Variants in CPM observed in about 807,000 individuals in gnomAD.
CPM encodes carboxypeptidase M.
In CPM, 35 loss-of-function variants were observed where a neutral mutation model predicts 46.4. The observed-to-expected ratio is 0.75, with a 90% CI of 0.58 to 1.00. The LOEUF is 1.00. Ranked by LOEUF, CPM falls within the 50% of genes least tolerant of loss-of-function variation. The probability of loss-of-function intolerance (pLI) is 0.00; values close to 1 mark genes in which losing one functional copy is unlikely to be tolerated. For synonymous variants in CPM, 195 were observed against 195.3 expected, an observed-to-expected ratio of 1.00 and a Z score of 0.01; for missense variants, 422 against 530.4, an observed-to-expected ratio of 0.80 and a Z score of 2.01.
At chr12:68,892,575 G>A (rs1886700026) in intron 2 of CPM, among the ~76,000 whole-genome samples, 1 of 152,018 alleles carries the variant, frequency 6.6e-6, no homozygotes, top group South Asian at 2.1e-4. Context: ...AGTAGGGTAG[G>A]TAGGCCGGGC....
At chr12:68,956,008 C>T (rs1889011960) in intron 1 of CPM, among the ~76,000 whole-genome samples, 1 of 152,148 alleles carries the variant, frequency 6.6e-6, no homozygotes, top group South Asian at 2.1e-4. Context: ...GCCTGTCTGC[C>T]TCCTGCCACC....
chr12:68,858,723 A>C (rs1885078855), intron 8 of CPM, among the ~76,000 whole-genome samples, 200 bp downstream of exon 8: 1 of 140,162 alleles, frequency 7.1e-6, no homozygotes, highest in South Asian at 2.1e-4. Context: ...AAAAAATATG[A>C]ATTTTTGTGG....
Position 68,856,345 on chromosome 12 carries a change from A to G in CPM, c.*92T>C, listed in dbSNP as rs916294913. 13 of 1,381,280 alleles carry G rather than the reference A, an allele frequency of 9.4e-6. No individual in the cohort carries two copies. Among genetic ancestry groups the G allele is most frequent in the Non-Finnish European group, 1.3e-5 (13 of 1,009,318 alleles). 85.6% of individuals were successfully genotyped at this position (1,381,280 alleles called of 1,614,324 possible). A position where few individuals can be genotyped will look rare whatever the true frequency, so the allele number is the denominator to read the frequency against. On this transcript the variant is annotated 3_prime_UTR_variant, in exon 9 of 9. Coordinates refer to ENST00000551568, the MANE Select transcript of CPM (RefSeq NM_198320.5). The stretch of plus-strand genomic sequence containing the variant: ...GAAGATCGTGGAGTTTCTCCAGTCA[A>G]GGTCCCACTAGAGTGAGTTAGGGTT...
intron 2 of CPM, among the ~76,000 whole-genome samples, chr12:68,897,924 A>G (rs983837262): frequency 9.9e-5 from 15 of 151,896 alleles, no homozygotes; most frequent in Non-Finnish European, 5.9e-5. Context: ...ATGGCTCACT[A>G]TAGCCTTGAC....
intron 7 of CPM, among the ~76,000 whole-genome samples, chr12:68,862,823 C>T (rs537906410): frequency 2.0e-5 from 3 of 150,164 alleles, no homozygotes; most frequent in Non-Finnish European, 4.4e-5. Context: ...ACTGGTAGAC[C>T]CTAAGAGACG....
intron 1 of CPM, among the ~76,000 whole-genome samples, chr12:68,960,665 G>A (rs1221542804): frequency 6.6e-6 from 1 of 152,132 alleles, no homozygotes; most frequent in Non-Finnish European, 1.5e-5. Context: ...GAAATATGGG[G>A]CCTTTTGTTA....
chr12:68,927,440 G>C lies in CPM; in HGVS notation c.160+5238C>G, dbSNP rs1001135963. On this transcript the variant is annotated intron_variant, in intron 2 of 8. Coordinates refer to ENST00000551568, the MANE Select transcript of CPM (RefSeq NM_198320.5). ...GTTTTTTTCTTGTAAATTTGTTTGA[G>C]TTCATTGTAGATTCTGGATATTAGC... Among the ~76,000 whole-genome samples, 9 of 152,196 alleles carry C rather than the reference G, an allele frequency of 5.9e-5. 1 individual carries two copies. The highest frequency in any genetic ancestry group is 1.3e-4 in the Non-Finnish European group (9 of 68,022).
intron 1 of CPM, among the ~76,000 whole-genome samples, chr12:68,948,407 C>T (rs973624188): frequency 2.6e-5 from 4 of 151,904 alleles, no homozygotes; most frequent in Admixed American, 2.6e-4. Context: ...AAAGTAACCC[C>T]AAAATATTCA....
chr12:68,842,989 A>G (rs1883921874), intron 5 of CPM: 1 of 212,108 alleles, frequency 4.7e-6, no homozygotes, highest in South Asian at 1.9e-4. Context: ...GGCAAATACT[A>G]AGTTCTAACT....
downstream of CPM, chr12:68,850,002 G>A (rs1211180030): frequency 6.6e-6 from 1 of 152,326 alleles, no homozygotes; most frequent in Non-Finnish European, 1.5e-5. Flanking sequence ...AAAAACCCTT[G>A]GCTGGGGGGT....
At chr12:68,843,543 CAG>C (rs1252985076) in intron 5 of CPM, 2 of 226,480 alleles carry the variant, frequency 8.8e-6, no homozygotes, top group Non-Finnish European at 1.8e-5. Flanking sequence ...TTAAGCAAAA[CAG>C]TGAAAATAAC....
chr12:68,889,322 A>T (rs1886559035), intron 2 of CPM, among the ~76,000 whole-genome samples: 1 of 152,208 alleles, frequency 6.6e-6, no homozygotes, highest in Non-Finnish European at 1.5e-5. Flanking sequence ...TGAATGCACT[A>T]CCATTTATTC....
chr12:68,905,767 A>G (rs1188952719), intron 2 of CPM, among the ~76,000 whole-genome samples: 1 of 152,166 alleles, frequency 6.6e-6, no homozygotes, highest in Non-Finnish European at 1.5e-5. Context: ...TTCAGAAAAA[A>G]TATTTAATAG....
rs150490554 is a variant in CPM, at chr12:68,887,911, C to T, written c.161-2022G>A. On this transcript the variant is annotated intron_variant, in intron 2 of 8. Transcript: ENST00000551568. ...CGAGTTTGCCATGTGGACAAGTACA[C>T]TACATGTGGTGATTCCCCATCAGAA... Among the ~76,000 whole-genome samples, 160 of 152,338 alleles carry T rather than the reference C, an allele frequency of 1.1e-3. 1 individual carries two copies. The highest frequency in any genetic ancestry group is 2.8e-3 in the Admixed American group (43 of 15,300).
intron 4 of CPM, among the ~76,000 whole-genome samples, chr12:68,870,877 G>A (rs905139003): frequency 6.6e-6 from 1 of 152,268 alleles, no homozygotes; most frequent in Middle Eastern, 3.4e-3. Flanking sequence ...GCTTTAAGTC[G>A]CTAATTTTGG....
intron 1 of CPM, among the ~76,000 whole-genome samples, chr12:68,941,619 T>C (rs1159956482): frequency 6.6e-6 from 1 of 152,238 alleles, no homozygotes; most frequent in African/African-American, 2.4e-5. Flanking sequence ...TCAAGTGATC[T>C]GCCTGCCTAG....
intron 2 of CPM, among the ~76,000 whole-genome samples, chr12:68,916,357 C>A (rs1887803430): frequency 6.6e-6 from 1 of 152,034 alleles, no homozygotes; most frequent in Admixed American, 6.6e-5. Flanking sequence ...ATATAATCAC[C>A]ATTGAAACAT....
At chr12:68,901,238 T>C (rs1358547350) in intron 2 of CPM, among the ~76,000 whole-genome samples, 1 of 152,194 alleles carries the variant, frequency 6.6e-6, no homozygotes, top group Non-Finnish European at 1.5e-5. Flanking sequence ...AAAAAAAAGC[T>C]GGTGAGGAGG....
At chr12:68,914,114 C>T (rs1887710929) in intron 2 of CPM, 1 of 519,692 alleles carries the variant, frequency 1.9e-6, no homozygotes. Flanking sequence ...AGTCAGTATA[C>T]TATGGCCTGA....
Sources: allele counts gnomAD v4.1 joint callset (sites outside exome capture counted in the v4.1 genomes callset), GRCh38; gene constraint gnomAD v4.1.1; transcripts MANE v1.5; gene names NCBI Gene and HGNC (gene_info 2026-07-23, HGNC 2026-07-21).